The following PTPRG variants were observed in gnomAD, a reference collection of about 807,000 sequenced individuals.
PTPRG encodes protein tyrosine phosphatase receptor type G.
Under a neutral mutation model 165.3 loss-of-function variants are expected in PTPRG, and 102 were observed. The observed-to-expected ratio is 0.62, with a 90% CI of 0.53 to 0.73. The LOEUF (loss-of-function observed/expected upper bound fraction) is 0.73. PTPRG is among the 30% of genes least tolerant of loss of function. PTPRG has a pLI of 0.00. For synonymous variants in PTPRG, 675 were observed against 669.5 expected (o/e 1.01, Z -0.13); for missense variants, 1,866 against 1,861.4 (o/e 1.00, Z -0.05).
In PTPRG at chr3:62,240,179, G is replaced by T. The variant is rs1041616942; in HGVS notation, c.2376-3628G>T. On this transcript the variant is annotated intron_variant, in intron 14 of 29. Transcript: ENST00000474889. This position sits in a 1 kb window ranked among gnomAD's most constrained non-coding sequence, Gnocchi z 5.1. Reference sequence around the variant, plus strand: ...GATGCATATAGAATGATCTCATTTCGTTTTTTAAAAATAAAACCCCCATGT... The same window carrying T: ...GATGCATATAGAATGATCTCATTTCTTTTTTTAAAAATAAAACCCCCATGT... Among the ~76,000 whole-genome samples the T allele has an allele frequency of 1.3e-5, 2 of 152,178 alleles. No homozygotes were observed. Among genetic ancestry groups the T allele is most frequent in the East Asian group, 3.9e-4 (2 of 5,172 alleles).
chr3:62,277,079 T>G, intron 25 of PTPRG, 31 bp downstream of exon 25: 1 of 1,562,754 alleles, frequency 6.4e-7, no homozygotes, highest in South Asian at 1.1e-5. Context: ...ATAAATAAAG[T>G]CAACTAAACT....
rs1703039539 is a variant in PTPRG at position 62,295,720 on chromosome 3, G to A, written c.*2413G>A. 1 of 152,072 alleles carries A rather than the reference G, an allele frequency of 6.6e-6. No individual in the cohort carries two copies. The highest frequency in any genetic ancestry group is 2.1e-4 in the South Asian group (1 of 4,832). 9.4% of individuals were successfully genotyped at this position (152,072 alleles called of 1,614,324 possible). A position where few individuals can be genotyped will look rare whatever the true frequency, so the allele number is the denominator to read the frequency against. On this transcript the variant is annotated 3_prime_UTR_variant, in exon 30 of 30. Coordinates refer to ENST00000474889, the MANE Select transcript of PTPRG (RefSeq NM_002841.4). ...CATATCCTGACCCACTGAATTATAA[G>A]CAATTGCTACTTGCCCATCTTGCCA...
At chr3:62,230,060 AGTT>A (rs1203303585) in intron 13 of PTPRG, among the ~76,000 whole-genome samples, 2 of 152,208 alleles carry the variant, frequency 1.3e-5, no homozygotes, top group Non-Finnish European at 2.9e-5. Context: ...TTTGTAGGAC[AGTT>A]GTTGTAGTTC....
intron 4 of PTPRG, among the ~76,000 whole-genome samples, chr3:62,027,288 C>T (rs2041827556): frequency 6.6e-6 from 1 of 152,150 alleles, no homozygotes; most frequent in Non-Finnish European, 1.5e-5. Context: ...GCAAGAAAGT[C>T]TTTGTCCCAC....
chr3:61,671,088 G>C (rs1053778606), intron 1 of PTPRG, among the ~76,000 whole-genome samples: 2 of 150,472 alleles, frequency 1.3e-5, no homozygotes, highest in African/African-American at 4.9e-5. Flanking sequence ...TCTCGGGGAA[G>C]ATTATTTTGT....
chr3:62,101,024 ATC>A (rs1702273640), intron 5 of PTPRG, among the ~76,000 whole-genome samples: 1 of 152,212 alleles, frequency 6.6e-6, no homozygotes, highest in South Asian at 2.1e-4. Context: ...CATTTGAAGA[ATC>A]TCTTTCTTCT....
chr3:61,903,984 A>T (rs1442771857), intron 2 of PTPRG, among the ~76,000 whole-genome samples: 3 of 152,138 alleles, frequency 2.0e-5, no homozygotes, highest in Admixed American at 1.3e-4. Context: ...AGAAAGATGG[A>T]TGTCATTCAG....
At chr3:61,777,181 A>G (rs562875781) in intron 2 of PTPRG, among the ~76,000 whole-genome samples, 3 of 152,340 alleles carry the variant, frequency 2.0e-5, no homozygotes, top group South Asian at 2.1e-4. Flanking sequence ...AAAGATCCAT[A>G]CAAGTGCTGT....
chr3:61,888,687 G>A (rs1004883570), intron 2 of PTPRG, among the ~76,000 whole-genome samples: 1 of 152,176 alleles, frequency 6.6e-6, no homozygotes, highest in Non-Finnish European at 1.5e-5. Context: ...GAGGAGTTCA[G>A]TGTTGGTATG....
intron 1 of PTPRG, among the ~76,000 whole-genome samples, chr3:61,587,684 TCTTA>T (rs1700466657): frequency 6.6e-6 from 1 of 152,148 alleles, no homozygotes; most frequent in Non-Finnish European, 1.5e-5. Flanking sequence ...TAAGACAGGG[TCTTA>T]CTTTGTCATC....
rs149041037 is a variant in PTPRG, at chr3:61,840,782, G to GTTT, written c.190+91817_190+91819dup. On this transcript the variant is annotated intron_variant, in intron 2 of 29. Transcript: ENST00000474889. ...CAGATGGAGTTTTTTTTGTTTGTTT[G>GTTT]TTTTTTTTTTTTTTTTTTTGAGATG... is the stretch of plus-strand genomic sequence containing the variant. Among the ~76,000 whole-genome samples, 657 of 120,082 alleles carry GTTT rather than the reference G, an allele frequency of 5.5e-3. 34 individuals carry two copies. In the East Asian group the frequency reaches 0.062, roughly 11 times the overall value. 78.8% of individuals were successfully genotyped at this position (120,082 alleles called of 152,430 possible).
intron 13 of PTPRG, among the ~76,000 whole-genome samples, chr3:62,221,526 A>C (rs891376960): frequency 7.2e-5 from 11 of 152,242 alleles, no homozygotes; most frequent in African/African-American, 2.7e-4. Context: ...GCTCACATAG[A>C]AAATTGGTAA....
At chr3:62,100,830 C>T (rs1702266685) in intron 5 of PTPRG, among the ~76,000 whole-genome samples, 1 of 152,166 alleles carries the variant, frequency 6.6e-6, no homozygotes, top group African/African-American at 2.4e-5. Context: ...GTTTCATATC[C>T]AGCCTCCTTT....
At chr3:61,898,192 A>G (rs2038411493) in intron 2 of PTPRG, among the ~76,000 whole-genome samples, 1 of 152,064 alleles carries the variant, frequency 6.6e-6, no homozygotes, top group Non-Finnish European at 1.5e-5. Context: ...TACGTTACAA[A>G]TCTCTCTGTA....
intron 2 of PTPRG, among the ~76,000 whole-genome samples, chr3:61,779,857 T>C (rs1437516812): frequency 6.6e-6 from 1 of 152,192 alleles, no homozygotes; most frequent in Non-Finnish European, 1.5e-5. Context: ...ACAGATGACA[T>C]GTTGCCATCC....
At chr3:62,137,348 C>T (rs1381784676) in intron 6 of PTPRG, among the ~76,000 whole-genome samples, 2 of 151,948 alleles carry the variant, frequency 1.3e-5, no homozygotes, top group Admixed American at 1.3e-4. Flanking sequence ...AAAAAAAATC[C>T]TGTTTGTGAA....
At chr3:61,776,402 G>A (rs1575655038) in intron 2 of PTPRG, among the ~76,000 whole-genome samples, 1 of 152,076 alleles carries the variant, frequency 6.6e-6, no homozygotes, top group African/African-American at 2.4e-5. Context: ...AATCAACACA[G>A]GCGCTTTCCC....
intron 2 of PTPRG, among the ~76,000 whole-genome samples, chr3:61,859,255 A>G (rs1352410045): frequency 6.6e-6 from 1 of 152,154 alleles, no homozygotes; most frequent in African/African-American, 2.4e-5. Flanking sequence ...AACCTATTAT[A>G]TGTTAGATAT....
At chr3:62,226,867 G>C (rs1055257890) in intron 13 of PTPRG, among the ~76,000 whole-genome samples, 3 of 152,162 alleles carry the variant, frequency 2.0e-5, no homozygotes, top group African/African-American at 7.2e-5. Context: ...TTTACTCTAA[G>C]TCCCATCTTT....
Sources: allele counts gnomAD v4.1 joint callset (sites outside exome capture counted in the v4.1 genomes callset), GRCh38; gene constraint gnomAD v4.1.1; non-coding constraint Gnocchi (gnomAD v3.1); transcripts MANE v1.5; gene names NCBI Gene and HGNC (gene_info 2026-07-23, HGNC 2026-07-21).